The following MTHFD2L variants were observed in gnomAD, a reference collection of about 807,000 sequenced individuals.
MTHFD2L encodes bifunctional methylenetetrahydrofolate dehydrogenase/cyclohydrolase 2, mitochondrial.
Under a neutral mutation model 34.9 loss-of-function variants are expected in MTHFD2L, and 29 were observed. The ratio of observed to expected loss-of-function variants is 0.83; its 90% confidence interval spans 0.62 to 1.13. The LOEUF is 1.13. MTHFD2L is among the 50% of genes most tolerant of loss of function. The pLI, the probability that MTHFD2L is intolerant of heterozygous loss-of-function variation, is 0.00. For missense variants in MTHFD2L, 481 were observed against 446.5 expected (o/e 1.08, Z -0.70); for synonymous variants, 167 against 155.7 (o/e 1.07, Z -0.54).
intron 1 of MTHFD2L, among the ~76,000 whole-genome samples, chr4:74,131,022 A>G (rs1722454736): frequency 6.6e-6 from 1 of 152,180 alleles, no homozygotes; most frequent in Admixed American, 6.5e-5. Flanking sequence ...CTAGGAATAC[A>G]ACTTACAAGG....
intron 6 of MTHFD2L, among the ~76,000 whole-genome samples, chr4:74,272,621 A>G (rs910534712): frequency 1.3e-5 from 2 of 152,060 alleles, no homozygotes; most frequent in African/African-American, 4.8e-5. Context: ...GATTGGTAAT[A>G]CCGGATTGTT....
intron 1 of MTHFD2L, among the ~76,000 whole-genome samples, chr4:74,166,489 A>G (rs570019101): frequency 1.3e-5 from 2 of 152,366 alleles, no homozygotes; most frequent in South Asian, 4.1e-4. Context: ...TTGAAGAGAT[A>G]AGGTTTCTGT....
At chr4:74,132,876 T>C (rs1722653306) in intron 1 of MTHFD2L, among the ~76,000 whole-genome samples, 1 of 152,228 alleles carries the variant, frequency 6.6e-6, no homozygotes. Context: ...GATAGATTTG[T>C]CTTTATAAGC....
rs149470367 is a variant in MTHFD2L, at chr4:74,250,750, T to C, written c.805+25356T>C. Among the ~76,000 whole-genome samples, 24 of 152,260 alleles carry C rather than the reference T, an allele frequency of 1.6e-4. No individual in the cohort carries two copies. The East Asian group carries it at 4.4e-3, about 28-fold the overall frequency. On this transcript the variant is annotated intron_variant, in intron 6 of 7. Coordinates refer to ENST00000325278, the MANE Select transcript of MTHFD2L (RefSeq NM_001144978.3). ...AGTTATTATATGGTGTTCTCTTCTC[T>C]TGCTTCAACCCCTTCATAACTGTTT...
intron 6 of MTHFD2L, among the ~76,000 whole-genome samples, chr4:74,239,282 C>A (rs1448080312): frequency 6.6e-6 from 1 of 152,076 alleles, no homozygotes; most frequent in East Asian, 1.9e-4. Context: ...GGGAACTGAA[C>A]AATGAGAACA....
At chr4:74,203,115 A>G (rs904812219) in intron 5 of MTHFD2L, among the ~76,000 whole-genome samples, 7 of 152,162 alleles carry the variant, frequency 4.6e-5, no homozygotes, top group Non-Finnish European at 1.0e-4. Flanking sequence ...TTCTATGCCT[A>G]AAGAATTAAA....
chr4:74,300,323 C>T (rs1750140037), intron 7 of MTHFD2L, among the ~76,000 whole-genome samples: 1 of 151,830 alleles, frequency 6.6e-6, no homozygotes, highest in Admixed American at 6.6e-5. Context: ...CTTTGCTTTT[C>T]CTCAGATTTA....
chr4:74,286,381 C>T (rs1182411223), intron 7 of MTHFD2L, among the ~76,000 whole-genome samples: 2 of 152,122 alleles, frequency 1.3e-5, no homozygotes, highest in African/African-American at 4.8e-5. Context: ...CCTACTTTCA[C>T]AGGCAATTTT....
intron 3 of MTHFD2L, among the ~76,000 whole-genome samples, chr4:74,189,924 A>G (rs1732171577): frequency 6.6e-6 from 1 of 152,126 alleles, no homozygotes; most frequent in Non-Finnish European, 1.5e-5. Context: ...ATCTAGTTAT[A>G]TGATAGTTTT....
chr4:74,169,963 A>G (rs547975), intron 1 of MTHFD2L, among the ~76,000 whole-genome samples: 23,835 of 152,178 alleles, frequency 0.16, 4,081 homozygotes, highest in African/African-American at 0.42. Flanking sequence ...TGCCCTCTAT[A>G]TTAAGGAATT....
chr4:74,122,800 G>T (rs1419105669), upstream of MTHFD2L, among the ~76,000 whole-genome samples: 1 of 152,072 alleles, frequency 6.6e-6, no homozygotes, highest in Non-Finnish European at 1.5e-5. Flanking sequence ...TGGGATAATT[G>T]TCATAATTTG....
intron 6 of MTHFD2L, among the ~76,000 whole-genome samples, chr4:74,253,578 C>T (rs1350885339): frequency 2.6e-5 from 4 of 152,228 alleles, no homozygotes; most frequent in African/African-American, 4.8e-5. Context: ...CACTGCAAAT[C>T]GCAGCACCAA....
chr4:74,144,505 A>G (rs1028845704), intron 1 of MTHFD2L, among the ~76,000 whole-genome samples: 1 of 152,160 alleles, frequency 6.6e-6, no homozygotes, highest in Admixed American at 6.6e-5. Context: ...TGTTCACTCT[A>G]TTAGTGGTGC....
chr4:74,191,660 C>T (rs141367359), intron 3 of MTHFD2L, among the ~76,000 whole-genome samples: 7,571 of 152,114 alleles, frequency 0.05, 593 homozygotes, highest in African/African-American at 0.17. Flanking sequence ...AAGCAGTTCT[C>T]CTGCCTCAGC....
chr4:74,175,593 G>T (rs1000125713), intron 3 of MTHFD2L, among the ~76,000 whole-genome samples, 190 bp downstream of exon 3: 5 of 152,042 alleles, frequency 3.3e-5, no homozygotes, highest in African/African-American at 1.2e-4. Flanking sequence ...CCTTGAAAGT[G>T]AAATATAAGC....
At chr4:74,284,739 G>C (rs1747940125) in intron 7 of MTHFD2L, among the ~76,000 whole-genome samples, 1 of 152,100 alleles carries the variant, frequency 6.6e-6, no homozygotes, top group Non-Finnish European at 1.5e-5. Flanking sequence ...CTTTTACACG[G>C]TGGGACTGTA....
intron 2 of MTHFD2L, among the ~76,000 whole-genome samples, chr4:74,117,367 G>T (rs1166172651): frequency 6.6e-6 from 1 of 152,186 alleles, no homozygotes; most frequent in Non-Finnish European, 1.5e-5. Flanking sequence ...AGCTACTATT[G>T]TTAAGAGGAA....
chr4:74,278,952 C>T (rs1747059383), intron 6 of MTHFD2L, among the ~76,000 whole-genome samples: 1 of 152,046 alleles, frequency 6.6e-6, no homozygotes, highest in Admixed American at 6.6e-5. Flanking sequence ...CGACAGTTTT[C>T]TAATATGTTA....
At chr4:74,160,176 A>T in intron 1 of MTHFD2L, 2 of 1,017,790 alleles carry the variant, frequency 2.0e-6, no homozygotes, top group Middle Eastern at 2.9e-4. Context: ...AGTTCTTCAT[A>T]GTTAATGTGG....
Sources: gnomAD v4.1 joint callset for allele counts (sites outside exome capture counted in the v4.1 genomes callset) on GRCh38, gnomAD v4.1.1 for gene constraint, MANE v1.5 for transcripts, NCBI Gene and HGNC (gene_info 2026-07-23, HGNC 2026-07-21) for gene names.